GATAD1: variants seen among roughly 807,000 people sequenced by gnomAD.
GATAD1 encodes GATA zinc finger domain containing 1.
In GATAD1, 12 loss-of-function variants were observed where a neutral mutation model predicts 26.5. That is an observed-to-expected ratio of 0.45 (90% CI 0.29 to 0.73). GATAD1 has a LOEUF of 0.73. Ranked by LOEUF, GATAD1 falls within the 30% of genes least tolerant of loss-of-function variation. The pLI is 0.10. For synonymous variants in GATAD1, 129 were observed against 133.1 expected (o/e 0.97, Z 0.21); for missense variants, 266 against 342.1 (o/e 0.78, Z 1.75).
At chr7:92,494,540 T>A in the GATAD1 span, 21 of 1,613,972 alleles carry the variant, frequency 1.3e-5, no homozygotes, top group Non-Finnish European at 1.8e-5. Context: ...AACTACTCGG[T>A]CTGTAACTCC....
the GATAD1 span, among the ~76,000 whole-genome samples, chr7:92,468,103 T>C: frequency 6.6e-6 from 1 of 152,158 alleles, no homozygotes; most frequent in African/African-American, 2.4e-5. Flanking sequence ...ATAGCTCTAT[T>C]AGAAGCTGTG....
At chr7:92,449,323 C>T (rs1043239231) in intron 2 of GATAD1, 7 of 864,040 alleles carry the variant, frequency 8.1e-6, no homozygotes, top group Non-Finnish European at 9.7e-6. Flanking sequence ...GAAAATGTAT[C>T]TTACTGACTT....
the GATAD1 span, chr7:92,474,757 A>G: frequency 6.6e-6 from 1 of 152,220 alleles, no homozygotes; most frequent in African/African-American, 2.4e-5. Flanking sequence ...CCCTTGTAAA[A>G]CATCAATATA....
At chr7:92,484,484 G>A in the GATAD1 span, among the ~76,000 whole-genome samples, 34 of 152,238 alleles carry the variant, frequency 2.2e-4, no homozygotes, top group African/African-American at 7.5e-4. Context: ...TCAGGCAGGC[G>A]TCCCCGCAGT....
the GATAD1 span, chr7:92,494,115 A>G: frequency 1.6e-6 from 1 of 611,720 alleles, no homozygotes; most frequent in African/African-American, 1.8e-5. Context: ...CACTGGGCCA[A>G]AAAAAGGCTT....
the GATAD1 span, among the ~76,000 whole-genome samples, chr7:92,488,491 C>T: frequency 2.0e-5 from 3 of 152,076 alleles, no homozygotes; most frequent in Non-Finnish European, 2.9e-5. Flanking sequence ...GTCCATGGGT[C>T]TCAGATGCAT....
Position 92,454,505 on chromosome 7 carries a change from G to T in GATAD1, c.439G>T (p.Val147Leu). The change falls in exon 4 of 5, where the codon GTA becomes TTA. Residue 147 changes from valine to leucine, a missense_variant. Physicochemically the swap from Val to Leu is conservative, Grantham distance 32. Transcript: ENST00000287957. ...GATTATCTTCTGTTTCCCCCAGGGA[G>T]TATATTACCAAATTGGTGATGTTGT... ...ITAESIFYKG[V>L]YYQIGDVVSV... 1 of 1,603,104 alleles carries T rather than the reference G, an allele frequency of 6.2e-7. No individual in the cohort carries two copies. Among genetic ancestry groups the T allele is most frequent in the Admixed American group, 1.7e-5 (1 of 59,978 alleles).
chr7:92,458,002 T>C lies in GATAD1; in HGVS notation c.*1440T>C, dbSNP rs10257981. The C allele has an allele frequency of 0.11, 16,682 of 152,164 alleles. 953 individuals are homozygous for C. Among genetic ancestry groups the C allele is most frequent in the Non-Finnish European group, 0.13 (8,518 of 68,060 alleles). 9.4% of individuals were successfully genotyped at this position (152,164 alleles called of 1,614,324 possible). On this transcript the variant is annotated 3_prime_UTR_variant, in exon 5 of 5. Coordinates refer to ENST00000287957, the MANE Select transcript of GATAD1 (RefSeq NM_021167.5). The stretch of plus-strand genomic sequence containing the variant: ...ATATACAAAAATTAGTTGGGTGTTA[T>C]GGTGCATGCCTGTAATCCCAGCTAC...
At chr7:92,488,878 C>T in the GATAD1 span, among the ~76,000 whole-genome samples, 4 of 152,120 alleles carry the variant, frequency 2.6e-5, no homozygotes, top group Non-Finnish European at 4.4e-5. Flanking sequence ...GGACTACAGG[C>T]ACATGCCACC....
At chr7:92,460,498 T>G (rs1019844939), downstream of GATAD1, among the ~76,000 whole-genome samples, 3 of 152,130 alleles carry the variant, frequency 2.0e-5, no homozygotes, top group Admixed American at 6.5e-5. Context: ...GCACAGTAAT[T>G]TATTTAAGCA....
Position 92,458,708 on chromosome 7 carries a change from C to G in GATAD1, c.*2146C>G, listed in dbSNP as rs1263082112. ...TTATGGTGTTTGAGTTGGAAAGAAA[C>G]AACTATAGGTAGCTACACGTACATA... On this transcript the variant is annotated 3_prime_UTR_variant, in exon 5 of 5. Transcript: ENST00000287957. The G allele has an allele frequency of 6.6e-6, 1 of 152,144 alleles. No individual in the cohort carries two copies. The highest frequency in any genetic ancestry group is 1.5e-5 in the Non-Finnish European group (1 of 68,024). 9.4% of individuals were successfully genotyped at this position (152,144 alleles called of 1,614,324 possible).
At chr7:92,482,010 G>C in the GATAD1 span, among the ~76,000 whole-genome samples, 1 of 152,160 alleles carries the variant, frequency 6.6e-6, no homozygotes, top group Non-Finnish European at 1.5e-5. Context: ...GGAGCAGGAG[G>C]GTGTCTTGTT....
At chr7:92,452,115 C>T (rs1450292443) in intron 3 of GATAD1, among the ~76,000 whole-genome samples, 2 of 152,240 alleles carry the variant, frequency 1.3e-5, no homozygotes, top group South Asian at 2.1e-4. Context: ...ATCACATCTT[C>T]GTATTTGTGC....
chr7:92,452,406 C>G (rs974109635), intron 3 of GATAD1, among the ~76,000 whole-genome samples: 20 of 152,236 alleles, frequency 1.3e-4, no homozygotes, highest in African/African-American at 4.8e-4. Context: ...CAAGAGGTCA[C>G]TGCCAGCCAC....
At chr7:92,454,829 AGT>A (rs1294406504) in intron 4 of GATAD1, 144 bp downstream of exon 4, 2 of 586,388 alleles carry the variant, frequency 3.4e-6, no homozygotes, top group Non-Finnish European at 5.8e-6. Context: ...ACTTTCTCAC[AGT>A]TGTGGAGGCT....
At chr7:92,489,830 G>A in the GATAD1 span, 2 of 1,613,930 alleles carry the variant, frequency 1.2e-6, no homozygotes, top group South Asian at 1.1e-5. Flanking sequence ...AACACTGGAG[G>A]CTGTGAAAAC....
At position 92,447,710 on chromosome 7, in the gene GATAD1, G is replaced by C; in HGVS notation, c.-20G>C. On this transcript the variant is annotated 5_prime_UTR_variant, in exon 1 of 5. Transcript: ENST00000287957. The stretch of plus-strand genomic sequence containing the variant: ...ATTCCCGTGTCTCTGCGCCCGCGGG[G>C]GCCGCCCGAGCCGGCCACCATGCCG... The C allele has an allele frequency of 6.9e-7, 1 of 1,446,490 alleles. No individual in the cohort carries two copies. Among genetic ancestry groups the C allele is most frequent in the Non-Finnish European group, 9.1e-7 (1 of 1,099,030 alleles). The allele number at this position is 1,446,490 out of a possible 1,614,324, so 89.6% of individuals were successfully genotyped here.
downstream of GATAD1, among the ~76,000 whole-genome samples, chr7:92,461,711 C>T (rs975092251): frequency 2.6e-5 from 4 of 152,090 alleles, no homozygotes; most frequent in Admixed American, 6.6e-5. Context: ...AAACAGCTCC[C>T]TCATGTGGCT....
At chr7:92,448,112 C>G in intron 1 of GATAD1, 134 bp downstream of exon 1, 1 of 532,132 alleles carries the variant, frequency 1.9e-6, no homozygotes, top group Non-Finnish European at 2.8e-6. Flanking sequence ...CCCCTCCCCA[C>G]CTCCTACTGA....
Sources: allele counts gnomAD v4.1 joint callset (sites outside exome capture counted in the v4.1 genomes callset), GRCh38; gene constraint gnomAD v4.1.1; transcripts MANE v1.5; gene names NCBI Gene and HGNC (gene_info 2026-07-23, HGNC 2026-07-21).